PBK: variants seen among roughly 807,000 people sequenced by gnomAD.
PBK encodes PDZ binding kinase, also known as lymphokine-activated killer T-cell-originated protein kinase.
PBK carries 22 observed loss-of-function variants against 33.5 expected under a neutral mutation model. The observed-to-expected ratio is 0.66, with a 90% CI of 0.47 to 0.94. The LOEUF is 0.94. Among genes scored for constraint, PBK ranks in the 40% least tolerant of loss-of-function variants. PBK has a pLI of 0.00. For missense variants in PBK, 376 were observed against 383.4 expected, an observed-to-expected ratio of 0.98 and a Z score of 0.16; for synonymous variants, 129 against 123.8, an observed-to-expected ratio of 1.04 and a Z score of -0.28.
At chr8:27,813,125 A>C in intron 6 of PBK, among the ~76,000 whole-genome samples, 1 of 152,236 alleles carries the variant, frequency 6.6e-6, no homozygotes, top group East Asian at 1.9e-4. Flanking sequence ...ACACCATGGA[A>C]TACTATGCAG....
Position 27,823,092 on chromosome 8 carries a change from A to C in PBK, c.266T>G (p.Leu89Trp). The change falls in exon 4 of 8, where the codon TTG becomes TGG. Residue 89 changes from leucine (L) to tryptophan (W), a missense_variant. Leu to Trp is a moderately conservative substitution (Grantham distance 61, BLOSUM62 -2). Transcript: ENST00000301905. ...QKRLMDEAKILKSLHHPNIVG... is the reference protein window; with the variant it reads ...QKRLMDEAKIWKSLHHPNIVG... ...AATGTTTGGATGATGAAGGCTTTTC[A>C]AAATCTTAGCTTCATCCATTAGTCT... 6.3e-7 allele frequency: 1 copy of C among 1,594,982 alleles called. No homozygotes were observed. Among genetic ancestry groups the C allele is most frequent in the Non-Finnish European group, 8.6e-7 (1 of 1,165,648 alleles).
rs1276578586 is a variant in PBK, at chr8:27,823,179, G to A, written c.179C>T (p.Pro60Leu). The A allele has an allele frequency of 1.9e-6, 3 of 1,550,568 alleles. No homozygotes were observed. The highest frequency in any genetic ancestry group is 2.3e-5 in the East Asian group (1 of 43,476). The change falls in exon 4 of 8, where the codon CCT (proline) becomes CTT (leucine). Residue 60 changes from proline (P) to leucine (L), a missense_variant. By Grantham distance (98) the Pro-to-Leu change is moderately conservative. Coordinates refer to ENST00000301905, the MANE Select transcript of PBK (RefSeq NM_018492.4). Reference sequence around the variant, plus strand: ...AGGATTAATCTTTTTTACAGCCCAAGGAGAATGAGACAAACCTCTTGGAGA... The same window carrying A: ...AGGATTAATCTTTTTTACAGCCCAAAGAGAATGAGACAAACCTCTTGGAGA... ...KRSPRGLSHS[P>L]WAVKKINPIC...
chr8:27,828,701 A>G, intron 2 of PBK, among the ~76,000 whole-genome samples: 1 of 136,340 alleles, frequency 7.3e-6, no homozygotes, highest in Admixed American at 8.4e-5. Context: ...GTGCAGGTGC[A>G]GTGAGCTGTG....
At chr8:27,819,724 T>C (rs188132161) in intron 6 of PBK, among the ~76,000 whole-genome samples, 5 of 152,278 alleles carry the variant, frequency 3.3e-5, no homozygotes, top group East Asian at 3.9e-4. Flanking sequence ...CTATTAAGCA[T>C]TGAGAAAAAT....
At chr8:27,820,496 G>GACTT (rs1002324384) in intron 6 of PBK, 69 bp downstream of exon 6, 9 of 888,414 alleles carry the variant, frequency 1.0e-5, no homozygotes, top group Admixed American at 7.1e-5. Flanking sequence ...GATCCATGTG[G>GACTT]ACTTACGTAT....
chr8:27,819,995 G>T (rs1382481867), intron 6 of PBK, among the ~76,000 whole-genome samples: 3 of 152,006 alleles, frequency 2.0e-5, no homozygotes, highest in African/African-American at 7.3e-5. Context: ...AACTTCTGTT[G>T]ATATAAAGAG....
intron 6 of PBK, among the ~76,000 whole-genome samples, chr8:27,811,665 G>A (rs1321134756): frequency 1.3e-5 from 2 of 152,124 alleles, no homozygotes; most frequent in Non-Finnish European, 2.9e-5. Context: ...GAGTCAACTT[G>A]TCAATTTCAA....
rs75942430 is a variant in PBK, at chr8:27,821,232, C to A, written c.466-538G>T. Among the ~76,000 whole-genome samples, 497 of 152,184 alleles carry A rather than the reference C, an allele frequency of 3.3e-3. 4 individuals are homozygous for A. Among genetic ancestry groups the A allele is most frequent in the Non-Finnish European group, 5.8e-3 (394 of 68,014 alleles). ...ATTTAGAAATAGATACTTCTGCTAA[C>A]CTTTTATACTTATAAAATAAATAAT... On this transcript the variant is annotated intron_variant, in intron 5 of 7. Coordinates refer to ENST00000301905, the MANE Select transcript of PBK (RefSeq NM_018492.4).
intron 6 of PBK, among the ~76,000 whole-genome samples, chr8:27,820,151 C>A (rs1270969999): frequency 2.0e-5 from 3 of 152,188 alleles, no homozygotes; most frequent in Non-Finnish European, 4.4e-5. Context: ...CAAAGACCAG[C>A]CTTCATTAGC....
At chr8:27,820,827 T>A in intron 5 of PBK, 133 bp from the exon 6 acceptor site, 1 of 483,848 alleles carries the variant, frequency 2.1e-6, no homozygotes, top group African/African-American at 2.1e-5. Context: ...TTTCAAAATT[T>A]TTTTTTTTTT....
At chr8:27,820,416 GCTGA>G in intron 6 of PBK, 145 bp downstream of exon 6, 1 of 557,878 alleles carries the variant, frequency 1.8e-6, no homozygotes, top group South Asian at 2.4e-5. Flanking sequence ...AAGACTGCAG[GCTGA>G]CTGGGAGAGA....
chr8:27,812,667 AACAG>A (rs1805715438), intron 6 of PBK: 2 of 152,094 alleles, frequency 1.3e-5, no homozygotes, highest in Non-Finnish European at 2.9e-5. Context: ...AAAGGATATG[AACAG>A]ACAACTTCTC....
At chr8:27,819,769 A>G (rs1018959645) in intron 6 of PBK, among the ~76,000 whole-genome samples, 1 of 152,100 alleles carries the variant, frequency 6.6e-6, no homozygotes, top group East Asian at 1.9e-4. Flanking sequence ...ATGTTTGACA[A>G]TTTATCCTTT....
intron 2 of PBK, among the ~76,000 whole-genome samples, chr8:27,832,574 T>G (rs1251599146): frequency 6.6e-6 from 1 of 152,168 alleles, no homozygotes; most frequent in Non-Finnish European, 1.5e-5. Context: ...ATATGAAAAA[T>G]CTGTCACTAG....
At chr8:27,816,835 A>G (rs1805824766) in intron 6 of PBK, among the ~76,000 whole-genome samples, 1 of 152,140 alleles carries the variant, frequency 6.6e-6, no homozygotes, top group Non-Finnish European at 1.5e-5. Flanking sequence ...ATGCCTATAA[A>G]TATAAACCCG....
chr8:27,819,841 T>G (rs1031492354), intron 6 of PBK, among the ~76,000 whole-genome samples: 1 of 152,174 alleles, frequency 6.6e-6, no homozygotes, highest in African/African-American at 2.4e-5. Context: ...AGTTCTATTT[T>G]TATTAATGAT....
At position 27,811,147 on chromosome 8, in the gene PBK, A is replaced by G. The variant is rs753079458; in HGVS notation, c.596-13T>C. On this transcript the variant is annotated splice_polypyrimidine_tract_variant and intron_variant, in intron 6 of 7. Transcript: ENST00000301905. ...TCAGGGTCAGTCACTGAAACAAGCA[A>G]GATGGTTATGAAGGCAGGAGCTACA... The G allele has an allele frequency of 6.2e-7, 1 of 1,613,488 alleles. No homozygotes were observed. Among genetic ancestry groups the G allele is most frequent in the Non-Finnish European group, 8.5e-7 (1 of 1,179,614 alleles).
At chr8:27,837,541 A>C (rs1404947323) in intron 1 of PBK, 111 bp downstream of exon 1, 1 of 152,120 alleles carries the variant, frequency 6.6e-6, no homozygotes, top group African/African-American at 2.4e-5. Flanking sequence ...CTGGCTGCCA[A>C]AATCCTTCTT....
chr8:27,826,718 C>T (rs1274810470), intron 3 of PBK, among the ~76,000 whole-genome samples: 1 of 111,428 alleles, frequency 9.0e-6, no homozygotes, highest in East Asian at 4.3e-4. Flanking sequence ...ATGGCGTGAA[C>T]CAGGGAGGCG....
Sources: gnomAD v4.1 joint callset for allele counts (sites outside exome capture counted in the v4.1 genomes callset) on GRCh38, gnomAD v4.1.1 for gene constraint, MANE v1.5 for transcripts, NCBI Gene and HGNC (gene_info 2026-07-23, HGNC 2026-07-21) for gene names.